The following CHRM3 variants were observed in gnomAD, a reference collection of about 807,000 sequenced individuals.
The protein encoded by CHRM3 is cholinergic receptor muscarinic 3.
In CHRM3, 11 loss-of-function variants were observed where a neutral mutation model predicts 41.8. The observed-to-expected ratio is 0.26, with a 90% CI of 0.17 to 0.44. The LOEUF is 0.44. Among genes scored for constraint, CHRM3 ranks in the 20% least tolerant of loss-of-function variants. CHRM3 has a pLI of 1.00. For synonymous variants in CHRM3, 297 were observed against 301.4 expected (o/e 0.99, Z 0.15); for missense variants, 571 against 745.4 (o/e 0.77, Z 2.72).
intron 1 of CHRM3, among the ~76,000 whole-genome samples, chr1:239,490,545 C>T (rs1173768182): frequency 1.3e-5 from 2 of 151,932 alleles, no homozygotes; most frequent in Admixed American, 6.6e-5. Context: ...TGAATACGTT[C>T]TGTTTCTTTT....
intron 4 of CHRM3, among the ~76,000 whole-genome samples, chr1:239,676,276 C>T (rs1383405123): frequency 1.3e-5 from 2 of 152,216 alleles, no homozygotes; most frequent in Non-Finnish European, 2.9e-5. Flanking sequence ...GGATCATACA[C>T]AGCTGGATTC....
chr1:239,822,451 G>A (rs563486998), intron 5 of CHRM3, among the ~76,000 whole-genome samples: 1 of 152,256 alleles, frequency 6.6e-6, no homozygotes, highest in East Asian at 1.9e-4. Flanking sequence ...TCCAAAGGTG[G>A]ATGTGCGGTG....
intron 3 of CHRM3, among the ~76,000 whole-genome samples, chr1:239,585,400 G>A (rs1663305873): frequency 1.3e-5 from 2 of 152,112 alleles, no homozygotes; most frequent in South Asian, 2.1e-4. Flanking sequence ...TTGTATCTAA[G>A]ATTAAAGGAA....
chr1:239,900,322 T>C (rs2103007217), intron 6 of CHRM3, among the ~76,000 whole-genome samples: 1 of 152,222 alleles, frequency 6.6e-6, no homozygotes, highest in East Asian at 1.9e-4. Flanking sequence ...ATAATAGATA[T>C]ACCTGAAGTA....
At chr1:239,534,502 G>A (rs1658005172) in intron 2 of CHRM3, among the ~76,000 whole-genome samples, 1 of 152,156 alleles carries the variant, frequency 6.6e-6, no homozygotes, top group Non-Finnish European at 1.5e-5. Flanking sequence ...ACTCTGTACT[G>A]ATGCCAAAGT....
chr1:239,804,712 A>G (rs1238181561), intron 5 of CHRM3, among the ~76,000 whole-genome samples: 1 of 152,194 alleles, frequency 6.6e-6, no homozygotes, highest in African/African-American at 2.4e-5. Context: ...TTCGAGCTAA[A>G]TGCAGCGCCT....
chr1:239,758,267 C>T (rs563073067), intron 5 of CHRM3, among the ~76,000 whole-genome samples: 16 of 152,094 alleles, frequency 1.1e-4, no homozygotes, highest in African/African-American at 3.9e-4. Flanking sequence ...TTTTAAATAC[C>T]TGTGTACTAA....
At chr1:239,496,250 A>G (rs545035691) in intron 2 of CHRM3, among the ~76,000 whole-genome samples, 63 of 152,260 alleles carry the variant, frequency 4.1e-4, no homozygotes, top group Middle Eastern at 6.8e-3. Context: ...GATGGATATT[A>G]TGAACCCCAT....
At chr1:239,750,496 A>G (rs975593688) in intron 5 of CHRM3, among the ~76,000 whole-genome samples, 1 of 152,188 alleles carries the variant, frequency 6.6e-6, no homozygotes, top group Non-Finnish European at 1.5e-5. Flanking sequence ...CTTCTCACCA[A>G]TGTTAAGTTT....
chr1:239,611,714 C>T (rs1009409960), intron 3 of CHRM3, among the ~76,000 whole-genome samples: 7 of 152,050 alleles, frequency 4.6e-5, no homozygotes, highest in African/African-American at 1.2e-4. Context: ...CCACCGCACC[C>T]AGCCGCAAGT....
intron 1 of CHRM3, among the ~76,000 whole-genome samples, chr1:239,458,199 A>G (rs2147862368): frequency 6.6e-6 from 1 of 152,350 alleles, no homozygotes; most frequent in East Asian, 1.9e-4. Context: ...CGTTATCAAG[A>G]AAAATGAAAC....
At chr1:239,553,632 T>C (rs1276256788) in intron 3 of CHRM3, among the ~76,000 whole-genome samples, 1 of 152,212 alleles carries the variant, frequency 6.6e-6, no homozygotes, top group Non-Finnish European at 1.5e-5. Context: ...CTAGGATTCT[T>C]GGTCTCAACA....
At chr1:239,691,413 CA>C (rs200830124) in intron 5 of CHRM3, among the ~76,000 whole-genome samples, 23 of 143,198 alleles carry the variant, frequency 1.6e-4, no homozygotes, top group Admixed American at 1.4e-4. Flanking sequence ...CTGATTCCTA[CA>C]AAAAAAAAAG....
chr1:239,553,336 A>T (rs1353289395), intron 3 of CHRM3, among the ~76,000 whole-genome samples: 1 of 152,002 alleles, frequency 6.6e-6, no homozygotes, highest in African/African-American at 2.4e-5. Context: ...AATAGCTTCT[A>T]AACTCATAAT....
At chr1:239,901,368 T>C (rs371725291) in intron 6 of CHRM3, among the ~76,000 whole-genome samples, 1 of 152,168 alleles carries the variant, frequency 6.6e-6, no homozygotes, top group East Asian at 1.9e-4. Context: ...CATTACAGAT[T>C]GAGCTGAAGT....
chr1:239,515,317 T>C (rs1227182287), intron 2 of CHRM3, among the ~76,000 whole-genome samples: 1 of 151,954 alleles, frequency 6.6e-6, no homozygotes, highest in African/African-American at 2.4e-5. Flanking sequence ...TACGTAAATT[T>C]TAAAAATTAT....
intron 3 of CHRM3, among the ~76,000 whole-genome samples, chr1:239,609,762 C>T (rs1401228142): frequency 1.3e-5 from 2 of 152,104 alleles, no homozygotes; most frequent in Non-Finnish European, 2.9e-5. Context: ...TTTTCATATA[C>T]TTAGTTAGCA....
chr1:239,488,361 A>G (rs1667322091), intron 1 of CHRM3, among the ~76,000 whole-genome samples: 1 of 152,206 alleles, frequency 6.6e-6, no homozygotes, highest in Non-Finnish European at 1.5e-5. Context: ...CAGAATGTTC[A>G]TTAATAGAGG....
At chr1:239,789,562 G>A (rs1431274578) in intron 5 of CHRM3, among the ~76,000 whole-genome samples, 1 of 152,182 alleles carries the variant, frequency 6.6e-6, no homozygotes, top group Non-Finnish European at 1.5e-5. Flanking sequence ...GGAAGGTGAA[G>A]GGGAGCTGGC....
Sources: allele counts gnomAD v4.1 joint callset (sites outside exome capture counted in the v4.1 genomes callset), GRCh38; gene constraint gnomAD v4.1.1; transcripts MANE v1.5; gene names NCBI Gene and HGNC (gene_info 2026-07-23, HGNC 2026-07-21).